Variants in NKAIN3 observed in about 807,000 individuals in gnomAD.
The protein encoded by NKAIN3 is sodium/potassium transporting ATPase interacting 3, also known as sodium/potassium-transporting ATPase subunit beta-1-interacting protein 3.
Under a neutral mutation model 30.2 loss-of-function variants are expected in NKAIN3, and 25 were observed. That is an observed-to-expected ratio of 0.83 (90% CI 0.60 to 1.16). NKAIN3 has a LOEUF of 1.16. NKAIN3 is among the 50% of genes most tolerant of loss of function. NKAIN3 has a pLI of 0.00. For synonymous variants in NKAIN3, 91 were observed against 89.6 expected (o/e 1.02, Z -0.09); for missense variants, 225 against 254.1 (o/e 0.89, Z 0.78).
chr8:62,655,907 A>T (rs546841077), intron 3 of NKAIN3, among the ~76,000 whole-genome samples: 1 of 152,272 alleles, frequency 6.6e-6, no homozygotes, highest in South Asian at 2.1e-4. Context: ...GGGTATGGGA[A>T]GTTACTAACC....
chr8:62,259,296 A>G (rs1308199356), intron 1 of NKAIN3, among the ~76,000 whole-genome samples: 2 of 152,168 alleles, frequency 1.3e-5, no homozygotes, highest in Non-Finnish European at 2.9e-5. Flanking sequence ...CAGTAACATT[A>G]ATTTTGAAAA....
At chr8:62,553,291 A>G (rs1337652935) in intron 1 of NKAIN3, among the ~76,000 whole-genome samples, 2 of 152,210 alleles carry the variant, frequency 1.3e-5, no homozygotes, top group African/African-American at 2.4e-5. Context: ...AAATATTTGC[A>G]TTACAAATTC....
chr8:62,386,125 C>CA (rs1196229951), intron 1 of NKAIN3, among the ~76,000 whole-genome samples: 3 of 152,140 alleles, frequency 2.0e-5, no homozygotes, highest in Non-Finnish European at 4.4e-5. Context: ...TAATTTGTTG[C>CA]TATATATGGG....
chr8:62,843,305 T>A (rs184938115), intron 4 of NKAIN3, among the ~76,000 whole-genome samples: 25 of 149,366 alleles, frequency 1.7e-4, no homozygotes, highest in Non-Finnish European at 2.8e-4. Flanking sequence ...TTTCTTTTTT[T>A]AATTAATTAA....
intron 1 of NKAIN3, among the ~76,000 whole-genome samples, chr8:62,551,325 C>T (rs766379552): frequency 1.6e-4 from 25 of 152,074 alleles, no homozygotes; most frequent in African/African-American, 5.8e-4. Flanking sequence ...AACAGTCATA[C>T]GGCAGTAGAG....
intron 1 of NKAIN3, among the ~76,000 whole-genome samples, chr8:62,326,645 A>T (rs970635508): frequency 6.6e-6 from 1 of 151,992 alleles, no homozygotes; most frequent in Admixed American, 6.6e-5. Context: ...GGTTCAAAAA[A>T]CTAAATGTAT....
chr8:62,962,040 T>C (rs946220947), intron 6 of NKAIN3, among the ~76,000 whole-genome samples: 10 of 152,182 alleles, frequency 6.6e-5, no homozygotes, highest in Non-Finnish European at 1.3e-4. Context: ...TTCTCAACGA[T>C]AGGAATCACT....
chr8:62,925,355 A>G (rs1170336219), intron 5 of NKAIN3, among the ~76,000 whole-genome samples: 1 of 152,162 alleles, frequency 6.6e-6, no homozygotes, highest in African/African-American at 2.4e-5. Flanking sequence ...GAAAATTTAA[A>G]CTTCCCATTC....
intron 1 of NKAIN3, among the ~76,000 whole-genome samples, chr8:62,548,201 C>A (rs1233005364): frequency 6.6e-6 from 1 of 152,132 alleles, no homozygotes; most frequent in Non-Finnish European, 1.5e-5. Flanking sequence ...TCTGAAAATA[C>A]CTTCATTCCT....
chr8:62,462,845 C>T (rs982660705), intron 1 of NKAIN3, among the ~76,000 whole-genome samples: 5 of 152,144 alleles, frequency 3.3e-5, no homozygotes, highest in Non-Finnish European at 5.9e-5. Context: ...AGGCAGCAAC[C>T]GGCCTCTTTT....
chr8:62,782,622 C>T (rs1817385590), intron 4 of NKAIN3, among the ~76,000 whole-genome samples: 1 of 151,278 alleles, frequency 6.6e-6, no homozygotes, highest in South Asian at 2.1e-4. Flanking sequence ...TCATTCACTA[C>T]AACGTGGATG....
At chr8:62,646,101 A>G (rs1480603744) in intron 3 of NKAIN3, among the ~76,000 whole-genome samples, 1 of 150,740 alleles carries the variant, frequency 6.6e-6, no homozygotes, top group Non-Finnish European at 1.5e-5. Context: ...CATAGATGCA[A>G]TGGCCTAAAA....
chr8:62,484,800 C>T (rs1806845518), intron 1 of NKAIN3, among the ~76,000 whole-genome samples: 1 of 152,104 alleles, frequency 6.6e-6, no homozygotes, highest in Admixed American at 6.5e-5. Context: ...TCTGCTGCAG[C>T]ACAAAGGGTC....
At chr8:62,788,275 C>G (rs1248928277) in intron 4 of NKAIN3, among the ~76,000 whole-genome samples, 1 of 152,018 alleles carries the variant, frequency 6.6e-6, no homozygotes, top group East Asian at 1.9e-4. Flanking sequence ...GATTTGCATT[C>G]CTCTGATGGG....
At chr8:62,548,146 C>A (rs1189660150) in intron 1 of NKAIN3, among the ~76,000 whole-genome samples, 1 of 152,176 alleles carries the variant, frequency 6.6e-6, no homozygotes, top group African/African-American at 2.4e-5. Flanking sequence ...CACAAGTGAA[C>A]AGAAATTCAA....
chr8:62,506,209 G>T (rs1404188253), intron 1 of NKAIN3, among the ~76,000 whole-genome samples: 1 of 133,440 alleles, frequency 7.5e-6, no homozygotes, highest in African/African-American at 2.7e-5. Flanking sequence ...ACAGGTTTCA[G>T]GGATCCATAT....
intron 1 of NKAIN3, among the ~76,000 whole-genome samples, chr8:62,571,647 G>T (rs745668278): frequency 6.6e-6 from 1 of 152,128 alleles, no homozygotes; most frequent in Non-Finnish European, 1.5e-5. Flanking sequence ...GCAATCTTCT[G>T]CTGGGCATCC....
At chr8:62,943,611 C>T (rs1047255987) in intron 5 of NKAIN3, among the ~76,000 whole-genome samples, 1 of 150,018 alleles carries the variant, frequency 6.7e-6, no homozygotes, top group Non-Finnish European at 1.5e-5. Context: ...GCACAACTCA[C>T]AATTGCAAAA....
At chr8:62,740,204 T>G (rs957711984) in intron 3 of NKAIN3, among the ~76,000 whole-genome samples, 2 of 152,150 alleles carry the variant, frequency 1.3e-5, no homozygotes, top group Non-Finnish European at 2.9e-5. Context: ...CTATTCTAAT[T>G]TATATTCTGA....
Sources: allele counts gnomAD v4.1 joint callset (sites outside exome capture counted in the v4.1 genomes callset), GRCh38; gene constraint gnomAD v4.1.1; transcripts MANE v1.5; gene names NCBI Gene and HGNC (gene_info 2026-07-23, HGNC 2026-07-21).